Variants in INVS observed in about 807,000 individuals in gnomAD.
The protein encoded by INVS is inversin.
Under a neutral mutation model 108.8 loss-of-function variants are expected in INVS, and 86 were observed. The ratio of observed to expected loss-of-function variants is 0.79; its 90% confidence interval spans 0.66 to 0.95. INVS has a LOEUF of 0.95. Among genes scored for constraint, INVS ranks in the 40% least tolerant of loss-of-function variants. The probability of loss-of-function intolerance (pLI) is 0.00; values close to 1 mark genes in which losing one functional copy is unlikely to be tolerated. For missense variants in INVS, 1,169 were observed against 1,297.4 expected (o/e 0.90, Z 1.52); for synonymous variants, 455 against 473.5 (o/e 0.96, Z 0.51).
At position 100,284,600 on chromosome 9, in the gene INVS, A is replaced by T. The variant is rs1355652364; in HGVS notation, c.2065A>T (p.Asn689Tyr). 7 of 1,612,910 alleles carry T rather than the reference A, an allele frequency of 4.3e-6. No homozygotes were observed. The African/African-American group carries it at 9.3e-5, about 22-fold the overall frequency. ...DLQGTNSRRPNETAREHSKGQ... is the reference protein window; with the variant it reads ...DLQGTNSRRPYETAREHSKGQ... ...GCAGGGAACAAACTCCAGAAGGCCA[A>T]ATGGTAGGTGTATTGCCTTTGTCAT... The change falls in exon 13 of 17, where the codon AAT becomes TAT. Residue 689 changes from asparagine to tyrosine, a missense_variant. Around this residue, in one of 3 missense-constraint regions of INVS, gnomAD observed 533 missense variants for 536.0 expected, o/e 0.99. Coordinates refer to ENST00000262457, the MANE Select transcript of INVS (RefSeq NM_014425.5).
Position 100,104,640 on chromosome 9 carries a change from C to G in INVS, c.106+13C>G. ...AGGCTCATCGTAGGTAAGCAGTCCC[C>G]TTAAGTACAGAAACTTTAAAAGCAA... On this transcript the variant is annotated intron_variant, in intron 2 of 16. Transcript: ENST00000262457. 2 of 1,571,844 alleles carry G rather than the reference C, an allele frequency of 1.3e-6. No homozygotes were observed. The highest frequency in any genetic ancestry group is 2.2e-5 in the South Asian group (2 of 90,216).
At chr9:100,136,818 T>A (rs1828239784) in intron 3 of INVS, among the ~76,000 whole-genome samples, 1 of 152,124 alleles carries the variant, frequency 6.6e-6, no homozygotes. Flanking sequence ...GGTGGGCAGA[T>A]CACCTGAAGT....
intron 10 of INVS, among the ~76,000 whole-genome samples, chr9:100,258,861 G>A (rs1357603711): frequency 6.6e-6 from 1 of 152,232 alleles, no homozygotes; most frequent in Non-Finnish European, 1.5e-5. Flanking sequence ...GCTATTGGGG[G>A]TCAGGGACCC....
chr9:100,282,846 G>A (rs1372924935), intron 12 of INVS, among the ~76,000 whole-genome samples: 1 of 152,188 alleles, frequency 6.6e-6, no homozygotes, highest in Non-Finnish European at 1.5e-5. Context: ...ACTTTCCTGT[G>A]CTCTTAAGCC....
chr9:100,118,069 CTTTTTTTTTTT>C (rs757283860), intron 2 of INVS, among the ~76,000 whole-genome samples: 1 of 138,026 alleles, frequency 7.2e-6, no homozygotes, highest in African/African-American at 2.7e-5. Flanking sequence ...CTTTTTTTTT[CTTTTTTTTTTT>C]TTTTAGATAT....
At chr9:100,252,116 A>G (rs1414998343) in intron 8 of INVS, among the ~76,000 whole-genome samples, 167 bp from the exon 9 acceptor site, 2 of 152,188 alleles carry the variant, frequency 1.3e-5, no homozygotes, top group Non-Finnish European at 2.9e-5. Context: ...TATGAATAGG[A>G]AGGAAGGCAG....
At chr9:100,202,186 A>T (rs1334642399) in intron 3 of INVS, among the ~76,000 whole-genome samples, 1 of 152,030 alleles carries the variant, frequency 6.6e-6, no homozygotes, top group Non-Finnish European at 1.5e-5. Context: ...TCATTCAGGG[A>T]GTCATTCCTT....
intron 13 of INVS, among the ~76,000 whole-genome samples, chr9:100,290,428 C>T (rs1833576548): frequency 6.6e-6 from 1 of 152,218 alleles, no homozygotes; most frequent in South Asian, 2.1e-4. Context: ...TGGCTCACCG[C>T]AACCTCTGCC....
chr9:100,165,220 AC>A (rs1829324318), intron 3 of INVS, among the ~76,000 whole-genome samples: 1 of 151,950 alleles, frequency 6.6e-6, no homozygotes, highest in African/African-American at 2.4e-5. Flanking sequence ...GGTATTTATC[AC>A]CTCAAGCATT....
intron 13 of INVS, among the ~76,000 whole-genome samples, chr9:100,286,129 A>G (rs1420907729): frequency 6.6e-6 from 1 of 152,242 alleles, no homozygotes; most frequent in African/African-American, 2.4e-5. Flanking sequence ...CTACACCACA[A>G]GGTAGCTATG....
chr9:100,293,462 G>A (rs367973575), intron 14 of INVS, among the ~76,000 whole-genome samples: 6 of 152,130 alleles, frequency 3.9e-5, no homozygotes, highest in African/African-American at 2.4e-5. Context: ...GATAATGCAC[G>A]CTTCATTAAT....
chr9:100,301,207 T>C lies in INVS; in HGVS notation c.*533T>C, dbSNP rs1175701370. On this transcript the variant is annotated 3_prime_UTR_variant, in exon 17 of 17. Transcript: ENST00000262457. ...TCACGTCCCACTATTACTTCAAAAT[T>C]AATCAGGTTTAAATTTTAGATCAGA... Among the ~76,000 whole-genome samples the C allele has an allele frequency of 1.3e-5, 2 of 151,026 alleles. No homozygotes were observed. Among genetic ancestry groups the C allele is most frequent in the African/African-American group, 4.9e-5 (2 of 40,986 alleles).
intron 3 of INVS, chr9:100,131,908 A>C: frequency 1.0e-6 from 1 of 982,682 alleles, no homozygotes; most frequent in Non-Finnish European, 1.2e-6. Flanking sequence ...TGATTTACAA[A>C]AAGGAGAAAG....
At chr9:100,227,050 G>C (rs932745228) in intron 4 of INVS, among the ~76,000 whole-genome samples, 7 of 152,060 alleles carry the variant, frequency 4.6e-5, no homozygotes, top group African/African-American at 1.7e-4. Context: ...TAACTCCTCT[G>C]TGCCTCAATT....
chr9:100,166,978 A>G (rs967187791), intron 3 of INVS, among the ~76,000 whole-genome samples: 2 of 152,130 alleles, frequency 1.3e-5, no homozygotes, highest in African/African-American at 4.8e-5. Flanking sequence ...AGTGGCTTAC[A>G]CCAGCACTTT....
At chr9:100,254,600 A>T (rs1310199963) in intron 10 of INVS, among the ~76,000 whole-genome samples, 1 of 152,058 alleles carries the variant, frequency 6.6e-6, no homozygotes, top group Admixed American at 6.6e-5. Context: ...TATATAAGGT[A>T]TAAGGAAGGG....
intron 3 of INVS, among the ~76,000 whole-genome samples, chr9:100,210,295 A>G (rs1830796482): frequency 6.6e-6 from 1 of 152,166 alleles, no homozygotes; most frequent in Non-Finnish European, 1.5e-5. Flanking sequence ...ACAACTTACT[A>G]ATGTTGGCTT....
At chr9:100,290,210 C>T (rs1481063682) in intron 13 of INVS, among the ~76,000 whole-genome samples, 1 of 152,176 alleles carries the variant, frequency 6.6e-6, no homozygotes, top group Non-Finnish European at 1.5e-5. Flanking sequence ...TTCATCTCTA[C>T]TATCCAGCTC....
intron 10 of INVS, among the ~76,000 whole-genome samples, chr9:100,262,704 G>A (rs1184449913): frequency 1.4e-5 from 2 of 147,848 alleles, no homozygotes; most frequent in East Asian, 3.9e-4. Flanking sequence ...TGTCTTTGTG[G>A]ATTTTCTATA....
Sources: gnomAD v4.1 joint callset for allele counts (sites outside exome capture counted in the v4.1 genomes callset) on GRCh38, gnomAD v4.1.1 for gene constraint, gnomAD v4.1.1 regional missense constraint, MANE v1.5 for transcripts, NCBI Gene and HGNC (gene_info 2026-07-23, HGNC 2026-07-21) for gene names.